LRPPRC: variants seen among roughly 807,000 people sequenced by gnomAD.
The protein encoded by LRPPRC is leucine rich pentatricopeptide repeat containing.
A neutral mutation model predicts 180.3 loss-of-function variants in LRPPRC; 120 were observed. The ratio of observed to expected loss-of-function variants is 0.67; its 90% CI spans 0.57 to 0.77. LRPPRC has a LOEUF of 0.77. Among genes scored for constraint, LRPPRC ranks in the 30% least tolerant of loss-of-function variants. The probability of loss-of-function intolerance (pLI) is 0.00; values close to 1 mark genes in which losing one functional copy is unlikely to be tolerated. For synonymous variants in LRPPRC, 723 were observed against 600.0 expected (o/e 1.21, Z -3.00); for missense variants, 2,012 against 1,657.2 (o/e 1.21, Z -3.72).
At chr2:43,938,176 T>C (rs2105066770) in intron 23 of LRPPRC, among the ~76,000 whole-genome samples, 1 of 144,306 alleles carries the variant, frequency 6.9e-6, no homozygotes, top group South Asian at 2.1e-4. Flanking sequence ...TAGCATACTA[T>C]TACCCTTTAT....
At position 43,974,254 on chromosome 2, in the gene LRPPRC, C is replaced by T. The variant is rs761470523; in HGVS notation, c.1051G>A (p.Glu351Lys). ...LILLLVTEKL[E>K]DVALQILLAC... ...AGTAAAATTTGCAACGCTACATCTT[C>T]CAATTTTTCAGTGACTAAAAGTAAA... Residue 351 changes from glutamate to lysine, a missense_variant, in exon 9 of 38, where the codon GAA becomes AAA. By Grantham distance (56) the Glu-to-Lys change is moderately conservative. Transcript: ENST00000260665. 1.2e-6 allele frequency: 2 copies of T among 1,611,774 alleles called. No individual in the cohort carries two copies. Among genetic ancestry groups the T allele is most frequent in the Admixed American group, 1.7e-5 (1 of 59,996 alleles).
intron 29 of LRPPRC, 82 bp from the exon 30 acceptor site, chr2:43,912,640 C>G (rs993902258): frequency 5.0e-6 from 6 of 1,203,384 alleles, no homozygotes. Flanking sequence ...GAAACAAAGA[C>G]CTAAACCCAA....
At chr2:43,925,593 G>A (rs1474765409) in intron 26 of LRPPRC, among the ~76,000 whole-genome samples, 2 of 152,132 alleles carry the variant, frequency 1.3e-5, no homozygotes, top group African/African-American at 4.8e-5. Context: ...AGAGCTCTGG[G>A]AAGCAACTCC....
At chr2:43,959,592 C>T (rs553758221) in intron 13 of LRPPRC, among the ~76,000 whole-genome samples, 6 of 152,216 alleles carry the variant, frequency 3.9e-5, no homozygotes, top group African/African-American at 7.2e-5. Flanking sequence ...CTCTTAAGAA[C>T]GTCTTATTTA....
chr2:43,911,520 CTTCTT>C (rs1477345065), intron 30 of LRPPRC, among the ~76,000 whole-genome samples: 29 of 113,466 alleles, frequency 2.6e-4, no homozygotes, highest in Non-Finnish European at 3.4e-4. Flanking sequence ...TCTTCTTCTT[CTTCTT>C]TTTTTTTTTT....
chr2:43,974,085 ATACTT>A (rs1673941532), intron 9 of LRPPRC, 60 bp downstream of exon 9: 9 of 1,457,140 alleles, frequency 6.2e-6, no homozygotes, highest in South Asian at 4.5e-5. Context: ...AAATGTTCCT[ATACTT>A]TAAAGAATCT....
intron 27 of LRPPRC, 134 bp from the exon 28 acceptor site, chr2:43,918,532 AAG>A: frequency 8.1e-6 from 6 of 737,602 alleles, no homozygotes; most frequent in Non-Finnish European, 1.4e-5. Context: ...AAGGAACCAA[AAG>A]TGACCGTGAC....
rs1051052279 is a variant in LRPPRC, at chr2:43,942,091, G to A, written c.2504+1596C>T. 2.6e-4 allele frequency among the ~76,000 whole-genome samples: 40 copies of A among 152,004 alleles called. 1 individual carries two copies. The highest frequency in any genetic ancestry group is 8.7e-4 in the African/African-American group (36 of 41,426). On this transcript the variant is annotated intron_variant, in intron 23 of 37. Transcript: ENST00000260665. ...CCACACCGTTTCCATTTTCCCATGG[G>A]TAAGCTCTCCTTGGTTCATGAGCCC...
At chr2:43,925,989 C>T (rs766832511) in intron 25 of LRPPRC, 28 bp from the exon 26 acceptor site, 2 of 1,335,254 alleles carry the variant, frequency 1.5e-6, no homozygotes, top group Admixed American at 1.7e-5. Context: ...CACATAGCAC[C>T]CAAGGTAAGG....
chr2:43,978,560 C>A (rs1199787672), intron 3 of LRPPRC, among the ~76,000 whole-genome samples: 3 of 152,010 alleles, frequency 2.0e-5, no homozygotes, highest in Non-Finnish European at 2.9e-5. Context: ...TACTGACATA[C>A]AGAAATTTCT....
In LRPPRC at chr2:43,982,433, C is replaced by T; in HGVS notation, c.151G>A (p.Gly51Arg). 1 of 1,610,380 alleles carries T rather than the reference C, an allele frequency of 6.2e-7. No homozygotes were observed. The highest frequency in any genetic ancestry group is 1.1e-5 in the South Asian group (1 of 90,898). Residue 51 changes from glycine to arginine, a missense_variant and splice_region_variant, in exon 2 of 38, where the codon GGA becomes AGA. Physicochemically the swap from Gly to Arg is moderately radical, Grantham distance 125. Coordinates refer to ENST00000260665, the MANE Select transcript of LRPPRC (RefSeq NM_133259.4). ...TACAGCCTGGCTGGGCTCAGTAGTC[C>T]TCTAAAAAATGAAACATAATTAATA... ...PAARAGPVAGGLLSPARLYAI... is the reference protein window; with the variant it reads ...PAARAGPVAGRLLSPARLYAI...
chr2:43,948,241 G>C (rs774665559), intron 17 of LRPPRC, 42 bp from the exon 18 acceptor site: 1 of 1,135,370 alleles, frequency 8.8e-7, no homozygotes, highest in Non-Finnish European at 1.3e-6. Flanking sequence ...CTGAGTTTTA[G>C]ACAACCAAAC....
chr2:43,955,043 G>A (rs1339107121), intron 14 of LRPPRC, among the ~76,000 whole-genome samples: 1 of 152,102 alleles, frequency 6.6e-6, no homozygotes, highest in East Asian at 1.9e-4. Flanking sequence ...CACGATACGG[G>A]TTTTTATAGG....
At chr2:43,996,160 C>A (rs116993909), upstream of LRPPRC, among the ~76,000 whole-genome samples, 8 of 152,312 alleles carry the variant, frequency 5.3e-5, no homozygotes, top group East Asian at 1.5e-3. Flanking sequence ...TTGCTTGATT[C>A]ATTATCGAAG....
chr2:43,905,244 T>G (rs1343452616), intron 31 of LRPPRC, among the ~76,000 whole-genome samples: 1 of 152,192 alleles, frequency 6.6e-6, no homozygotes, highest in African/African-American at 2.4e-5. Flanking sequence ...CATTTAACAC[T>G]CAATTTAACT....
chr2:43,898,734 C>G (rs1458859193), intron 34 of LRPPRC, among the ~76,000 whole-genome samples: 1 of 152,082 alleles, frequency 6.6e-6, no homozygotes, highest in Non-Finnish European at 1.5e-5. Context: ...CTTAATAAAC[C>G]TTGAATAAGG....
intron 13 of LRPPRC, 103 bp downstream of exon 13, chr2:43,960,438 C>T (rs1673297416): frequency 5.3e-6 from 4 of 760,296 alleles, no homozygotes; most frequent in Non-Finnish European, 9.6e-6. Context: ...TTTAACAAAA[C>T]ATATAAACCT....
chr2:43,940,361 AG>A (rs1244376577), intron 23 of LRPPRC, among the ~76,000 whole-genome samples: 1 of 152,220 alleles, frequency 6.6e-6, no homozygotes. Flanking sequence ...CATTTTAAAA[AG>A]CCTATTTCCC....
chr2:43,933,855 T>G (rs1672177839), intron 25 of LRPPRC, among the ~76,000 whole-genome samples: 1 of 152,196 alleles, frequency 6.6e-6, no homozygotes, highest in Admixed American at 6.5e-5. Flanking sequence ...AAAGAATTCT[T>G]TGGCAAAGAG....
Sources: gnomAD v4.1 joint callset for allele counts (sites outside exome capture counted in the v4.1 genomes callset) on GRCh38, gnomAD v4.1.1 for gene constraint, MANE v1.5 for transcripts, NCBI Gene and HGNC (gene_info 2026-07-23, HGNC 2026-07-21) for gene names.